TNRC6C: variants seen among roughly 807,000 people sequenced by gnomAD.
TNRC6C encodes trinucleotide repeat containing adaptor 6C.
TNRC6C carries 20 observed loss-of-function variants against 153.7 expected under a neutral mutation model. The observed-to-expected ratio is 0.13, with a 90% CI of 0.09 to 0.19. TNRC6C has a LOEUF of 0.19. Among genes scored for constraint, TNRC6C ranks in the 10% least tolerant of loss-of-function variants. The pLI is 1.00. For missense variants in TNRC6C, 1,987 were observed against 2,172.0 expected, an observed-to-expected ratio of 0.91 and a Z score of 1.69; for synonymous variants, 811 against 841.4, an observed-to-expected ratio of 0.96 and a Z score of 0.63.
At chr17:77,969,873 T>C (rs985355369) in intron 1 of TNRC6C, among the ~76,000 whole-genome samples, 2 of 152,138 alleles carry the variant, frequency 1.3e-5, no homozygotes, top group African/African-American at 4.8e-5. Flanking sequence ...AGTTTTTATC[T>C]AAATTATAAA....
At chr17:78,023,443 C>T (rs1370629523) in intron 1 of TNRC6C, among the ~76,000 whole-genome samples, 1 of 152,218 alleles carries the variant, frequency 6.6e-6, no homozygotes, top group Admixed American at 6.5e-5. Flanking sequence ...TCTGCTGCTA[C>T]TGCTTTTGAA....
At position 77,981,595 on chromosome 17, in the gene TNRC6C, A is replaced by G. The variant is rs976113958; in HGVS notation, c.-38+22327A>G. Among the ~76,000 whole-genome samples, 3 of 152,386 alleles carry G rather than the reference A, an allele frequency of 2.0e-5. No individual in the cohort carries two copies. The East Asian group carries it at 5.8e-4, about 29-fold the overall frequency. Reference sequence around the variant, plus strand: ...AAATGTCCTCAGGTCTTTGTAATTTATATTAGATTTTAATGAGTCAGAGAT... The same window carrying G: ...AAATGTCCTCAGGTCTTTGTAATTTGTATTAGATTTTAATGAGTCAGAGAT... On this transcript the variant is annotated intron_variant, in intron 1 of 22. Coordinates refer to the TNRC6C transcript ENST00000636222.
chr17:78,086,072 C>T (rs946302534), intron 11 of TNRC6C, among the ~76,000 whole-genome samples: 3 of 151,992 alleles, frequency 2.0e-5, no homozygotes, highest in Non-Finnish European at 2.9e-5. Context: ...TGGCTCATGC[C>T]TGTAATCCCA....
chr17:78,064,348 C>A (rs2072830010), intron 3 of TNRC6C, among the ~76,000 whole-genome samples: 1 of 152,120 alleles, frequency 6.6e-6, no homozygotes, highest in African/African-American at 2.4e-5. Flanking sequence ...CCACCTGACT[C>A]CCAAAGTGCT....
At chr17:77,958,014 T>C (rs567411263), upstream of TNRC6C, among the ~76,000 whole-genome samples, 774 of 152,140 alleles carry the variant, frequency 5.1e-3, 4 homozygotes, top group Non-Finnish European at 8.0e-3. Context: ...GGGCGCTCCC[T>C]GGGGAGCGAC....
chr17:78,001,168 GAAAC>G (rs1203341212), upstream of TNRC6C, among the ~76,000 whole-genome samples: 1 of 152,104 alleles, frequency 6.6e-6, no homozygotes, highest in Non-Finnish European at 1.5e-5. Flanking sequence ...GAGAATGAAA[GAAAC>G]AAAGGGAAAA....
intron 1 of TNRC6C, among the ~76,000 whole-genome samples, chr17:77,986,124 A>T (rs903299222): frequency 6.6e-6 from 1 of 152,206 alleles, no homozygotes; most frequent in East Asian, 1.9e-4. Context: ...GGAAATAAAT[A>T]TGAAGAAATG....
chr17:78,030,528 G>A (rs1443549913), intron 1 of TNRC6C, among the ~76,000 whole-genome samples: 2 of 152,132 alleles, frequency 1.3e-5, no homozygotes, highest in East Asian at 3.8e-4. Context: ...GTCACCAGAC[G>A]ATAGGAATTT....
chr17:77,987,734 C>T (rs998953040), intron 1 of TNRC6C, among the ~76,000 whole-genome samples: 4 of 152,000 alleles, frequency 2.6e-5, no homozygotes, highest in Non-Finnish European at 5.9e-5. Flanking sequence ...AGTGCAGTGG[C>T]GCGAGCACCA....
chr17:78,084,006 G>T (rs576344511), intron 11 of TNRC6C, among the ~76,000 whole-genome samples: 1 of 151,970 alleles, frequency 6.6e-6, no homozygotes, highest in Non-Finnish European at 1.5e-5. Context: ...GGAATCGGCC[G>T]GGCACGGTGG....
rs781705382 is a variant in TNRC6C, at chr17:78,049,119, C to T, written c.57C>T (p.Gly19=). The stretch of plus-strand genomic sequence containing the variant: ...CTGGACATACCAAGAAGACAAATGG[C>T]AATAATGGCACCAATGGCGCACTCG... The change falls in exon 3 of 20, where the codon GGC becomes GGT. Residue 19 remains glycine, a synonymous_variant. Coordinates refer to ENST00000301624, the Ensembl canonical transcript of TNRC6C. The surrounding 1 kb of genome is among the most constrained non-coding windows in gnomAD (Gnocchi z 4.1). 5.7e-6 allele frequency: 9 copies of T among 1,588,168 alleles called. No homozygotes were observed. The South Asian group carries it at 8.1e-5, about 14-fold the overall frequency.
chr17:78,031,537 G>C, exon 2 of TNRC6C: 5 of 1,232,222 alleles, frequency 4.1e-6, no homozygotes, highest in Non-Finnish European at 5.1e-6. Context: ...ACTAAGACCT[G>C]TTCAAGCCAG....
At chr17:77,987,539 T>C (rs148607397) in intron 1 of TNRC6C, among the ~76,000 whole-genome samples, 4 of 152,128 alleles carry the variant, frequency 2.6e-5, no homozygotes, top group Admixed American at 6.5e-5. Context: ...AGAACAAATA[T>C]AAACAAAGGG....
chr17:77,958,522 G>C (rs2070830092), upstream of TNRC6C, among the ~76,000 whole-genome samples: 1 of 152,066 alleles, frequency 6.6e-6, no homozygotes, highest in Admixed American at 6.5e-5. Flanking sequence ...GGCCGGGAGG[G>C]GCGCGCGGGG....
At chr17:78,037,048 C>T (rs2072193617) in intron 2 of TNRC6C, among the ~76,000 whole-genome samples, 1 of 152,116 alleles carries the variant, frequency 6.6e-6, no homozygotes, top group African/African-American at 2.4e-5. Flanking sequence ...TAATCTGACT[C>T]TTAAAACATT....
chr17:78,024,357 T>C (rs1248270269), intron 1 of TNRC6C, among the ~76,000 whole-genome samples: 1 of 151,864 alleles, frequency 6.6e-6, no homozygotes, highest in East Asian at 1.9e-4. Context: ...TTTTTTTTGG[T>C]TTTTTTGTTT....
chr17:77,986,008 T>G (rs919051094), intron 1 of TNRC6C, among the ~76,000 whole-genome samples: 2 of 152,210 alleles, frequency 1.3e-5, no homozygotes, highest in Admixed American at 1.3e-4. Flanking sequence ...GACTAGATAC[T>G]TACCATCAGT....
intron 11 of TNRC6C, among the ~76,000 whole-genome samples, 197 bp from the exon 14 acceptor site, chr17:78,086,306 G>A (rs1451745198): frequency 8.3e-6 from 1 of 120,794 alleles, no homozygotes; most frequent in Admixed American, 1.1e-4. Context: ...CTCCAGCCTG[G>A]ATGACAGAGC....
chr17:78,004,938 A>C (rs1191622169), upstream of TNRC6C: 6 of 754,138 alleles, frequency 8.0e-6, no homozygotes, highest in Non-Finnish European at 1.1e-5. Context: ...CTGGGCAAAA[A>C]CTCATTTTTA....
Sources: gnomAD v4.1 joint callset for allele counts (sites outside exome capture counted in the v4.1 genomes callset) on GRCh38, gnomAD v4.1.1 for gene constraint, Gnocchi (gnomAD v3.1) non-coding constraint, MANE v1.5 for transcripts, NCBI Gene and HGNC (gene_info 2026-07-23, HGNC 2026-07-21) for gene names.